Variants in HDAC9 observed in about 807,000 individuals in gnomAD.
HDAC9 encodes the protein MEF-2 interacting transcription repressor (MITR) protein.
HDAC9 carries 41 observed loss-of-function variants against 139.4 expected under a neutral mutation model. The observed-to-expected ratio is 0.29, with a 90% CI of 0.23 to 0.38. The LOEUF is 0.38. Ranked by LOEUF, HDAC9 falls within the 10% of genes least tolerant of loss-of-function variation. The pLI is 1.00. For missense variants in HDAC9, 1,147 were observed against 1,297.0 expected, an observed-to-expected ratio of 0.88 and a Z score of 1.78; for synonymous variants, 517 against 476.2, an observed-to-expected ratio of 1.09 and a Z score of -1.12.
chr7:18,727,606 T>A lies in HDAC9; in HGVS notation c.1758T>A (p.Arg586=), dbSNP rs780709541. The A allele has an allele frequency of 1.8e-4, 284 of 1,596,368 alleles. No homozygotes were observed. Among genetic ancestry groups the A allele is most frequent in the Non-Finnish European group, 1.7e-4 (205 of 1,173,520 alleles). The change falls in exon 13 of 26, where the codon CGT becomes CGA. Residue 586 remains arginine (R), a synonymous_variant. Transcript: ENST00000686413. ...QQPFLEPTHT[R]ALSVRQAPLA... is the part of the protein sequence containing the mutation. ...CTTTCCTGGAACCCACGCACACACGTGCGCTCTCTGTGCGCCAAGCTCCGC... is the reference window on the plus strand; with the variant it reads ...CTTTCCTGGAACCCACGCACACACGAGCGCTCTCTGTGCGCCAAGCTCCGC...
intron 3 of HDAC9, among the ~76,000 whole-genome samples, chr7:18,586,930 A>G (rs1260880621): frequency 1.3e-5 from 2 of 152,160 alleles, no homozygotes; most frequent in Non-Finnish European, 2.9e-5. Context: ...AAACAATAAT[A>G]GAAACATTGA....
intron 25 of HDAC9, among the ~76,000 whole-genome samples, chr7:18,983,433 A>T (rs1785088865): frequency 6.6e-6 from 1 of 152,130 alleles, no homozygotes; most frequent in Non-Finnish European, 1.5e-5. Context: ...TAACTCTTTA[A>T]GTTCCTATTT....
chr7:18,995,906 G>T, intron 25 of HDAC9, 117 bp from the exon 26 acceptor site: 1 of 702,792 alleles, frequency 1.4e-6, no homozygotes, highest in South Asian at 1.8e-5. Context: ...ATGGATAACT[G>T]AATAACACAA....
intron 23 of HDAC9, among the ~76,000 whole-genome samples, chr7:18,953,569 A>G (rs1055519724): frequency 2.6e-5 from 4 of 152,166 alleles, no homozygotes; most frequent in Admixed American, 1.3e-4. Context: ...ATAGTTATGA[A>G]TAAAGTAGAA....
chr7:18,990,406 T>C (rs187310252), intron 25 of HDAC9, among the ~76,000 whole-genome samples: 2,849 of 152,296 alleles, frequency 0.019, 84 homozygotes, highest in African/African-American at 0.063. Context: ...TCTGCCCGTT[T>C]TCAGATCTCC....
chr7:18,541,104 A>C (rs1812679394), intron 2 of HDAC9, among the ~76,000 whole-genome samples: 1 of 150,620 alleles, frequency 6.6e-6, no homozygotes, highest in African/African-American at 2.5e-5. Flanking sequence ...TCCCAGCTGG[A>C]AATAGCATTA....
intron 22 of HDAC9, chr7:18,892,059 A>C (rs539059558): frequency 2.2e-4 from 33 of 152,326 alleles, no homozygotes; most frequent in African/African-American, 7.5e-4. Context: ...CCCATGTAAC[A>C]ATCAAGAAAA....
chr7:18,618,136 T>A (rs908318119), intron 6 of HDAC9, among the ~76,000 whole-genome samples: 1 of 152,200 alleles, frequency 6.6e-6, no homozygotes, highest in Non-Finnish European at 1.5e-5. Flanking sequence ...AGTAATATAT[T>A]TGAAGAAGAT....
chr7:18,961,541 C>T (rs569429239), intron 24 of HDAC9, among the ~76,000 whole-genome samples: 1 of 152,210 alleles, frequency 6.6e-6, no homozygotes, highest in Non-Finnish European at 1.5e-5. Flanking sequence ...GGGGAGAAGG[C>T]AGTATCCTCC....
chr7:18,196,002 C>G lies in HDAC9; in HGVS notation c.25+33653C>G, dbSNP rs368398753. Among the ~76,000 whole-genome samples, 12 of 152,206 alleles carry G rather than the reference C, an allele frequency of 7.9e-5. No homozygotes were observed. The East Asian group carries it at 2.1e-3, about 27-fold the overall frequency. On this transcript the variant is annotated intron_variant, in intron 2 of 12. Transcript: ENST00000417496. ...ACCGATTTTCTCCTTCTTTTATATT[C>G]TCTATATTCTTTTAAAGCTTTGTGT...
intron 8 of HDAC9, among the ~76,000 whole-genome samples, chr7:18,640,296 T>G (rs1205581045): frequency 1.5e-5 from 2 of 137,900 alleles, no homozygotes; most frequent in Admixed American, 8.2e-5. Flanking sequence ...AGTTTGAAGT[T>G]ACAGTGGGCC....
At chr7:18,875,118 A>G (rs886321829) in intron 22 of HDAC9, among the ~76,000 whole-genome samples, 1 of 152,140 alleles carries the variant, frequency 6.6e-6, no homozygotes, top group Non-Finnish European at 1.5e-5. Flanking sequence ...GCAAAGTTGG[A>G]CTTTTTGGCT....
In HDAC9 at chr7:18,557,977, C is replaced by A. The variant is rs186668193; in HGVS notation, c.23-27304C>A. 3.3e-5 allele frequency among the ~76,000 whole-genome samples: 5 copies of A among 152,084 alleles called. No homozygotes were observed. The East Asian group carries it at 9.6e-4, about 29-fold the overall frequency. The stretch of plus-strand genomic sequence containing the variant: ...AACCTAGAATAAACAAGCATAAAGA[C>A]TTTAAACATTTTTAAAAGCTGTTTA... On this transcript the variant is annotated intron_variant, in intron 2 of 25. Coordinates refer to ENST00000686413, the MANE Select transcript of HDAC9 (RefSeq NM_178425.4).
At chr7:18,096,083 T>C (rs1454698808) in intron 1 of HDAC9, among the ~76,000 whole-genome samples, 1 of 152,220 alleles carries the variant, frequency 6.6e-6, no homozygotes, top group Non-Finnish European at 1.5e-5. Flanking sequence ...TTTCGTTCCC[T>C]TGAAAATGTG....
intron 6 of HDAC9, among the ~76,000 whole-genome samples, chr7:18,624,104 T>A (rs1040867616): frequency 6.6e-6 from 1 of 152,134 alleles, no homozygotes; most frequent in Non-Finnish European, 1.5e-5. Flanking sequence ...CTTAGTAAAA[T>A]GACAAGTCTG....
intron 1 of HDAC9, among the ~76,000 whole-genome samples, chr7:18,419,930 C>T (rs1189482978): frequency 6.6e-6 from 1 of 151,882 alleles, no homozygotes; most frequent in Admixed American, 6.6e-5. Flanking sequence ...AGCTTTCCAG[C>T]GATGGTAGCC....
chr7:18,227,680 A>C (rs1793153866), intron 2 of HDAC9, among the ~76,000 whole-genome samples: 1 of 152,234 alleles, frequency 6.6e-6, no homozygotes, highest in Non-Finnish European at 1.5e-5. Flanking sequence ...AAGGCCCTTC[A>C]GTATCAACTA....
At chr7:18,565,257 A>G (rs1451234297) in intron 2 of HDAC9, among the ~76,000 whole-genome samples, 1 of 152,164 alleles carries the variant, frequency 6.6e-6, no homozygotes, top group African/African-American at 2.4e-5. Context: ...CAGCCTCCCA[A>G]AGTGTTGGGA....
intron 15 of HDAC9, among the ~76,000 whole-genome samples, chr7:18,764,575 T>C (rs1789662489): frequency 6.6e-6 from 1 of 152,194 alleles, no homozygotes; most frequent in South Asian, 2.1e-4. Flanking sequence ...CTTTTAATAC[T>C]TTTTTTGCTC....
Sources: allele counts gnomAD v4.1 joint callset (sites outside exome capture counted in the v4.1 genomes callset), GRCh38; gene constraint gnomAD v4.1.1; transcripts MANE v1.5; gene names NCBI Gene and HGNC (gene_info 2026-07-23, HGNC 2026-07-21).